SMARCD2: variants seen among roughly 807,000 people sequenced by gnomAD.
SMARCD2 encodes the protein SWI/SNF-related matrix-associated actin-dependent regulator of chromatin subfamily D member 2.
Under a neutral mutation model 70.4 loss-of-function variants are expected in SMARCD2, and 39 were observed. That is an observed-to-expected ratio of 0.55 (90% CI 0.43 to 0.72). The LOEUF (loss-of-function observed/expected upper bound fraction) is 0.72, where lower values mean the gene tolerates loss of function less well. Ranked by LOEUF, SMARCD2 falls within the 30% of genes least tolerant of loss-of-function variation. The pLI is 0.00. For missense variants in SMARCD2, 540 were observed against 713.4 expected (o/e 0.76, Z 2.77); for synonymous variants, 249 against 279.4 (o/e 0.89, Z 1.08).
chr17:63,833,020 G>GGCCTTT lies in SMARCD2; in HGVS notation c.1543-35_1543-30dup. ...GAGAAGGGAGAAACCAAGTGGCTCA[G>GGCCTTT]GCCTTTGCTACTCACGGCCAAAGGA... On this transcript the variant is annotated intron_variant, in intron 12 of 12. Coordinates refer to ENST00000448276, the MANE Select transcript of SMARCD2 (RefSeq NM_001098426.2). This position sits in a 1 kb window ranked among gnomAD's most constrained non-coding sequence, Gnocchi z 4.3. 1 of 1,586,464 alleles carries GGCCTTT rather than the reference G, an allele frequency of 6.3e-7. No individual in the cohort carries two copies. The highest frequency in any genetic ancestry group is 1.8e-5 in the Admixed American group (1 of 56,042).
chr17:63,839,024 T>C (rs894414), intron 1 of SMARCD2: 622,213 of 983,990 alleles, frequency 0.63, 199,492 homozygotes, highest in African/African-American at 0.91. Context: ...GAATAAAAAG[T>C]TCAAAGTGGG....
Position 63,833,529 on chromosome 17 carries a change from A to G in SMARCD2, c.1317+58T>C. On this transcript the variant is annotated intron_variant, in intron 10 of 12. Transcript: ENST00000448276. The surrounding 1 kb of genome is among the most constrained non-coding windows in gnomAD (Gnocchi z 4.3). ...TGCTACATGTATGGAAATGCTGGAC[A>G]GAGCCAGCCCACCCCAATCCTGGGC... 3 of 1,612,216 alleles carry G rather than the reference A, an allele frequency of 1.9e-6. No homozygotes were observed. Among genetic ancestry groups the G allele is most frequent in the Non-Finnish European group, 2.5e-6 (3 of 1,178,568 alleles).
chr17:63,841,097 G>A (rs1365353838), intron 1 of SMARCD2, among the ~76,000 whole-genome samples: 1 of 152,274 alleles, frequency 6.6e-6, no homozygotes, highest in Non-Finnish European at 1.5e-5. Flanking sequence ...GAATGATGCA[G>A]GGAGCCCTCA....
chr17:63,836,608 C>CA lies in SMARCD2; in HGVS notation c.567+313dup, dbSNP rs1318081894. 2.2e-5 allele frequency: 5 copies of CA among 223,940 alleles called. No individual in the cohort carries two copies. The South Asian group carries it at 6.6e-4, about 30-fold the overall frequency. 13.9% of individuals were successfully genotyped at this position (223,940 alleles called of 1,614,324 possible). Reference sequence around the variant, plus strand: ...TAGTGGTTTTCAAACTTTTGACCACCACCCATAAGATTTACATTTTCAATT... The same window carrying CA: ...TAGTGGTTTTCAAACTTTTGACCACCAACCCATAAGATTTACATTTTCAATT... On this transcript the variant is annotated intron_variant, in intron 4 of 12. Transcript: ENST00000448276.
intron 1 of SMARCD2, among the ~76,000 whole-genome samples, chr17:63,840,080 G>A (rs1475277319): frequency 1.3e-5 from 2 of 151,886 alleles, no homozygotes; most frequent in Non-Finnish European, 1.5e-5. Context: ...AGTGAGCTGA[G>A]ATCATGTCAC....
chr17:63,841,477 A>C (rs1904458869), intron 1 of SMARCD2, among the ~76,000 whole-genome samples: 1 of 152,228 alleles, frequency 6.6e-6, no homozygotes, highest in African/African-American at 2.4e-5. Context: ...TAGAACCTGA[A>C]GGCCAAATAA....
rs1008204400 is a variant in SMARCD2 at position 63,838,752 on chromosome 17, G to A, written c.217-1127C>T. On this transcript the variant is annotated intron_variant, in intron 1 of 12. Transcript: ENST00000448276. The stretch of plus-strand genomic sequence containing the variant: ...CTGTCCCTGGCAGCTTCACAGGGCT[G>A]GCCCCAGGGCCCAGATTATGCAACG... 7.8e-6 allele frequency: 10 copies of A among 1,275,868 alleles called. No homozygotes were observed. The East Asian group carries it at 3.1e-4, about 39-fold the overall frequency. 79.0% of individuals were successfully genotyped at this position (1,275,868 alleles called of 1,614,324 possible).
In SMARCD2 at chr17:63,833,016, C is replaced by T. The variant is rs751991136; in HGVS notation, c.1543-25G>A. 1.9e-6 allele frequency: 3 copies of T among 1,586,704 alleles called. No individual in the cohort carries two copies. In the South Asian group the frequency reaches 3.5e-5, roughly 18 times the overall value. ...CCTGGAGAAGGGAGAAACCAAGTGG[C>T]TCAGGCCTTTGCTACTCACGGCCAA... On this transcript the variant is annotated intron_variant, in intron 12 of 12. Transcript: ENST00000448276. The surrounding 1 kb of genome is among the most constrained non-coding windows in gnomAD (Gnocchi z 4.3).
At position 63,833,124 on chromosome 17, in the gene SMARCD2, G is replaced by A. The variant is rs965303391; in HGVS notation, c.1487C>T (p.Ala496Val). The A allele has an allele frequency of 1.2e-6, 2 of 1,607,242 alleles. No homozygotes were observed. The highest frequency in any genetic ancestry group is 8.5e-7 in the Non-Finnish European group (1 of 1,176,852). ...CTGGGCCCAGGGCTGGTGGTAGAAA[G>A]CAGCTCGTCTCTCCTCCTCAGGATT... ...IGNPEEERRA[A>V]FYHQPWAQEA... Residue 496 changes from alanine (A) to valine (V), a missense_variant, in exon 12 of 13, where the codon GCT becomes GTT. Coordinates refer to ENST00000448276, the MANE Select transcript of SMARCD2 (RefSeq NM_001098426.2). The surrounding 1 kb of genome is among the most constrained non-coding windows in gnomAD (Gnocchi z 4.3).
In SMARCD2 at chr17:63,833,477, G is replaced by A; in HGVS notation, c.1318-57C>T. 6.2e-7 allele frequency: 1 copy of A among 1,610,434 alleles called. No homozygotes were observed. The highest frequency in any genetic ancestry group is 8.5e-7 in the Non-Finnish European group (1 of 1,177,378). On this transcript the variant is annotated intron_variant, in intron 10 of 12. Coordinates refer to ENST00000448276, the MANE Select transcript of SMARCD2 (RefSeq NM_001098426.2). The surrounding 1 kb of genome is among the most constrained non-coding windows in gnomAD (Gnocchi z 4.3). ...CCAAAGCTTACATGCAAGCAACTGA[G>A]CCAGAGTTCCCATCCCGTCCTCCAG...
Position 63,835,487 on chromosome 17 carries a change from C to T in SMARCD2, c.648G>A (p.Gly216=), listed in dbSNP as rs1302407946. The change falls in exon 5 of 13, where the codon GGG becomes GGA. Residue 216 remains glycine (G), a synonymous_variant. Coordinates refer to ENST00000448276, the MANE Select transcript of SMARCD2 (RefSeq NM_001098426.2). ...CCCCTGCTGGGGTTCCCCCAGGGGTCCCTGCAGTTCCTGCACTATCGCCTT... is the reference window on the plus strand; with the variant it reads ...CCCCTGCTGGGGTTCCCCCAGGGGTTCCTGCAGTTCCTGCACTATCGCCTT... The part of the protein sequence containing the change: ...KAEGDSAGTA[G]TPGGTPAGDK... The T allele has an allele frequency of 6.2e-7, 1 of 1,613,968 alleles. No homozygotes were observed. The highest frequency in any genetic ancestry group is 8.5e-7 in the Non-Finnish European group (1 of 1,179,798).
chr17:63,835,128 G>A, intron 5 of SMARCD2: 1 of 530,602 alleles, frequency 1.9e-6, no homozygotes, highest in Non-Finnish European at 3.3e-6. Context: ...GTCTGGCCCA[G>A]TCTTTTTTTT....
intron 5 of SMARCD2, chr17:63,835,070 A>T (rs894631151): frequency 1.8e-6 from 1 of 545,824 alleles, no homozygotes; most frequent in African/African-American, 1.9e-5. Context: ...ACGGGCTTGG[A>T]GCAGCGCCCC....
chr17:63,842,260 C>G, intron 1 of SMARCD2, 199 bp downstream of exon 1: 1 of 969,842 alleles, frequency 1.0e-6, no homozygotes, highest in East Asian at 4.7e-5. Context: ...TGCTTCCAGC[C>G]CTCCGCTGCA....
At chr17:63,835,721 T>C (rs1598358500) in intron 4 of SMARCD2, 154 bp from the exon 5 acceptor site, 1 of 602,704 alleles carries the variant, frequency 1.7e-6, no homozygotes, top group Non-Finnish European at 2.8e-6. Flanking sequence ...AAGTAGTAAG[T>C]CCCAGTCCCA....
intron 1 of SMARCD2, among the ~76,000 whole-genome samples, chr17:63,841,749 A>G (rs1013012274): frequency 2.6e-5 from 4 of 152,224 alleles, no homozygotes; most frequent in African/African-American, 9.6e-5. Flanking sequence ...GTCCAGACTA[A>G]TCAACTCCCG....
At chr17:63,839,214 C>T in intron 1 of SMARCD2, 14 of 985,394 alleles carry the variant, frequency 1.4e-5, no homozygotes, top group Non-Finnish European at 1.6e-5. Context: ...CCAGACATCC[C>T]AGACTAGTTT....
At chr17:63,836,165 G>T (rs921603248) in intron 4 of SMARCD2, among the ~76,000 whole-genome samples, 1 of 151,950 alleles carries the variant, frequency 6.6e-6, no homozygotes, top group Non-Finnish European at 1.5e-5. Flanking sequence ...ACCCATCACG[G>T]CTCCAAAATA....
chr17:63,833,391 C>T lies in SMARCD2; in HGVS notation c.1347G>A (p.Gln449=), dbSNP rs141743070. The change falls in exon 11 of 13, where the codon CAG becomes CAA. Residue 449 remains glutamine, a synonymous_variant. Coordinates refer to ENST00000448276, the MANE Select transcript of SMARCD2 (RefSeq NM_001098426.2). The surrounding 1 kb of genome is among the most constrained non-coding windows in gnomAD (Gnocchi z 4.3). ...GCATGAAATCTCTCTGGGTCTTCAG[C>T]TGGTTGATGGACTCAATGGTCTCAT... ...KIHETIESIN[Q]LKTQRDFMLS... 28 of 1,614,042 alleles carry T rather than the reference C, an allele frequency of 1.7e-5. No individual in the cohort carries two copies. The African/African-American group carries it at 2.3e-4, about 13-fold the overall frequency.
Sources: gnomAD v4.1 joint callset for allele counts (sites outside exome capture counted in the v4.1 genomes callset) on GRCh38, gnomAD v4.1.1 for gene constraint, Gnocchi (gnomAD v3.1) non-coding constraint, MANE v1.5 for transcripts, NCBI Gene and HGNC (gene_info 2026-07-23, HGNC 2026-07-21) for gene names.